The following KCNMB2 variants were observed in gnomAD, a reference collection of about 807,000 sequenced individuals.
KCNMB2 encodes the protein potassium calcium-activated channel subfamily M regulatory beta subunit 2.
A neutral mutation model predicts 24.5 loss-of-function variants in KCNMB2; 9 were observed. The ratio of observed to expected loss-of-function variants is 0.37; its 90% CI spans 0.22 to 0.64. The LOEUF (loss-of-function observed/expected upper bound fraction) is 0.64, where lower values mean the gene tolerates loss of function less well. Ranked by LOEUF, KCNMB2 falls within the 30% of genes least tolerant of loss-of-function variation. KCNMB2 has a pLI of 0.63. For missense variants in KCNMB2, 226 were observed against 284.3 expected (o/e 0.79, Z 1.47); for synonymous variants, 109 against 104.4 (o/e 1.04, Z -0.27).
intron 1 of KCNMB2, among the ~76,000 whole-genome samples, chr3:178,609,003 C>T (rs911541981): frequency 6.6e-6 from 1 of 152,154 alleles, no homozygotes; most frequent in Non-Finnish European, 1.5e-5. Context: ...TGGGTACATG[C>T]CCAGCAGTGG....
chr3:178,830,266 A>T (rs930974522), intron 4 of KCNMB2, among the ~76,000 whole-genome samples: 2 of 152,190 alleles, frequency 1.3e-5, no homozygotes, highest in Non-Finnish European at 2.9e-5. Context: ...TATGTTTGTT[A>T]GATTTATTCC....
chr3:178,740,932 T>C (rs1723474163), intron 1 of KCNMB2, among the ~76,000 whole-genome samples: 1 of 151,990 alleles, frequency 6.6e-6, no homozygotes, highest in Middle Eastern at 3.2e-3. Flanking sequence ...AGACCTGGGA[T>C]ACAAAATCAT....
chr3:178,567,516 A>T (rs1442734864), intron 1 of KCNMB2, among the ~76,000 whole-genome samples: 2 of 152,126 alleles, frequency 1.3e-5, no homozygotes, highest in Non-Finnish European at 2.9e-5. Flanking sequence ...TTTAGCCTTA[A>T]AGCAGATAAG....
chr3:178,841,059 G>A (rs1354389348), intron 4 of KCNMB2, among the ~76,000 whole-genome samples: 1 of 152,166 alleles, frequency 6.6e-6, no homozygotes, highest in Non-Finnish European at 1.5e-5. Context: ...AGAAAAGCCA[G>A]GTCACCTCTT....
intron 1 of KCNMB2, among the ~76,000 whole-genome samples, chr3:178,722,965 A>T (rs1722856721): frequency 6.6e-6 from 1 of 152,064 alleles, no homozygotes; most frequent in South Asian, 2.1e-4. Flanking sequence ...ACACATTCAA[A>T]CCATAACAGT....
chr3:178,781,795 C>CT (rs1355741964), intron 1 of KCNMB2, among the ~76,000 whole-genome samples: 1 of 148,528 alleles, frequency 6.7e-6, no homozygotes, highest in South Asian at 2.1e-4. Context: ...TTTTTTTTTT[C>CT]TTTTTTTATT....
intron 1 of KCNMB2, among the ~76,000 whole-genome samples, chr3:178,713,486 A>G (rs1422375747): frequency 6.6e-6 from 1 of 152,234 alleles, no homozygotes; most frequent in African/African-American, 2.4e-5. Flanking sequence ...AATATTTCTT[A>G]GAGATTACTT....
chr3:178,626,835 T>TAGTA (rs1468878291), intron 1 of KCNMB2, among the ~76,000 whole-genome samples: 1 of 150,084 alleles, frequency 6.7e-6, no homozygotes, highest in African/African-American at 2.4e-5. Context: ...TACTATAGTA[T>TAGTA]AGTAAGTATA....
intron 1 of KCNMB2, among the ~76,000 whole-genome samples, chr3:178,601,760 C>G (rs1487915762): frequency 6.6e-6 from 1 of 152,104 alleles, no homozygotes; most frequent in African/African-American, 2.4e-5. Context: ...AGCAGATTAC[C>G]TAAGATTTCC....
At position 178,646,369 on chromosome 3, in the gene KCNMB2, C is replaced by A. The variant is rs549182369; in HGVS notation, c.-68+109658C>A. Among the ~76,000 whole-genome samples the A allele has an allele frequency of 2.0e-5, 3 of 152,282 alleles. No individual in the cohort carries two copies. The South Asian group carries it at 6.2e-4, about 32-fold the overall frequency. ...AATCATCAGCACATTAATTTGTTTC[C>A]TCTACATTATAAGCTTGGTTTAACT... On this transcript the variant is annotated intron_variant, in intron 1 of 4. Coordinates refer to ENST00000452583, the MANE Select transcript of KCNMB2 (RefSeq NM_181361.3).
At chr3:178,775,522 C>A (rs565543320) in intron 1 of KCNMB2, among the ~76,000 whole-genome samples, 9 of 152,246 alleles carry the variant, frequency 5.9e-5, no homozygotes, top group African/African-American at 1.9e-4. Context: ...CCTGGATTTT[C>A]ACGCTAAAAA....
intron 1 of KCNMB2, among the ~76,000 whole-genome samples, chr3:178,747,354 G>C (rs1013589202): frequency 6.6e-6 from 1 of 152,136 alleles, no homozygotes; most frequent in African/African-American, 2.4e-5. Context: ...CTCCCACTGG[G>C]TCCCTCCCAC....
At position 178,843,350 on chromosome 3, in the gene KCNMB2, A is replaced by ATT. The variant is rs765874378; in HGVS notation, c.*421_*422dup. 2.8e-6 allele frequency: 1 copy of ATT among 353,282 alleles called. No individual in the cohort carries two copies. Among genetic ancestry groups the ATT allele is most frequent in the South Asian group, 2.1e-5 (1 of 47,024 alleles). The allele number at this position is 353,282 out of a possible 1,614,324, so 21.9% of individuals were successfully genotyped here. On this transcript the variant is annotated 3_prime_UTR_variant, in exon 5 of 5. Transcript: ENST00000452583. ...GTTTACTAAAGCTACAGCCAAAAATATTTTTTTTTCTTATTCTAAACTGAG... is the reference window on the plus strand; with the variant it reads ...GTTTACTAAAGCTACAGCCAAAAATATTTTTTTTTTTCTTATTCTAAACTGAG...
chr3:178,831,729 C>T (rs964824631), intron 4 of KCNMB2, among the ~76,000 whole-genome samples: 1 of 152,038 alleles, frequency 6.6e-6, no homozygotes, highest in Non-Finnish European at 1.5e-5. Flanking sequence ...AATGAAAAAG[C>T]ACACACCAAA....
intron 1 of KCNMB2, among the ~76,000 whole-genome samples, chr3:178,708,323 T>C (rs753139170): frequency 1.3e-5 from 2 of 152,132 alleles, no homozygotes; most frequent in Non-Finnish European, 2.9e-5. Context: ...ATAATGATAA[T>C]GGTGATGGAA....
intron 1 of KCNMB2, among the ~76,000 whole-genome samples, chr3:178,577,198 C>A (rs185930332): frequency 6.6e-6 from 1 of 152,170 alleles, no homozygotes; most frequent in Non-Finnish European, 1.5e-5. Context: ...TCTTCTGCAG[C>A]CTCCGCTTGC....
chr3:178,655,519 C>A (rs554971968), intron 1 of KCNMB2, among the ~76,000 whole-genome samples: 314 of 152,296 alleles, frequency 2.1e-3, no homozygotes, highest in Non-Finnish European at 3.9e-3. Context: ...TAAACACCCA[C>A]AAGGACAGTA....
At chr3:178,633,123 C>A (rs1458798823) in intron 1 of KCNMB2, among the ~76,000 whole-genome samples, 2 of 152,210 alleles carry the variant, frequency 1.3e-5, no homozygotes, top group Non-Finnish European at 2.9e-5. Context: ...TACAGCCCCC[C>A]CGCCAGCTCC....
chr3:178,632,961 T>G (rs549029669), intron 1 of KCNMB2, among the ~76,000 whole-genome samples: 123 of 152,314 alleles, frequency 8.1e-4, no homozygotes, highest in African/African-American at 2.5e-3. Context: ...ACAGGCCCCA[T>G]GCAAGTCCAA....
Sources: gnomAD v4.1 joint callset for allele counts (sites outside exome capture counted in the v4.1 genomes callset) on GRCh38, gnomAD v4.1.1 for gene constraint, MANE v1.5 for transcripts, NCBI Gene and HGNC (gene_info 2026-07-23, HGNC 2026-07-21) for gene names.